CTTNBP2: variants seen among roughly 807,000 people sequenced by gnomAD.
The protein encoded by CTTNBP2 is cortactin-binding protein 2.
CTTNBP2 carries 108 observed loss-of-function variants against 156.9 expected under a neutral mutation model. The observed-to-expected ratio is 0.69, with a 90% confidence interval of 0.59 to 0.81. CTTNBP2 has a LOEUF of 0.81. CTTNBP2 is among the 30% of genes least tolerant of loss of function. CTTNBP2 has a pLI of 0.00. For missense variants in CTTNBP2, 1,924 were observed against 2,035.4 expected (o/e 0.95, Z 1.05); for synonymous variants, 767 against 751.8 (o/e 1.02, Z -0.33).
intron 2 of CTTNBP2, among the ~76,000 whole-genome samples, chr7:117,826,856 T>C (rs1021957082): frequency 1.4e-5 from 2 of 145,420 alleles, no homozygotes; most frequent in African/African-American, 5.2e-5. Context: ...TTATTATTAT[T>C]ATTATTATTA....
intron 7 of CTTNBP2, 32 bp from the exon 8 acceptor site, chr7:117,777,797 G>GATA: frequency 1.9e-6 from 3 of 1,585,254 alleles, no homozygotes; most frequent in Non-Finnish European, 2.6e-6. Context: ...GGAAAGGGTT[G>GATA]ATAACAACAT....
chr7:117,717,909 T>TAGCTTTGGTTTA, intron 22 of CTTNBP2, 109 bp downstream of exon 22: 1 of 699,298 alleles, frequency 1.4e-6, no homozygotes, highest in African/African-American at 1.8e-5. Context: ...TCTCAGTTCT[T>TAGCTTTGGTTTA]AGCTTTGGTT....
At chr7:117,860,982 T>C (rs1803692565) in intron 2 of CTTNBP2, among the ~76,000 whole-genome samples, 1 of 152,220 alleles carries the variant, frequency 6.6e-6, no homozygotes, top group South Asian at 2.1e-4. Flanking sequence ...TTTCCCGTAC[T>C]AAACAGTTTC....
intron 19 of CTTNBP2, among the ~76,000 whole-genome samples, chr7:117,722,676 C>T (rs181583544): frequency 4.7e-4 from 72 of 152,134 alleles, no homozygotes; most frequent in Non-Finnish European, 9.0e-4. Context: ...AAAGCATATA[C>T]CAACAATTAA....
chr7:117,789,805 A>G (rs1798894685), intron 4 of CTTNBP2, among the ~76,000 whole-genome samples: 2 of 152,174 alleles, frequency 1.3e-5, no homozygotes, highest in South Asian at 4.1e-4. Flanking sequence ...TATGAGTAGC[A>G]AAAGAAGTCA....
chr7:117,869,408 G>A (rs562578738), intron 1 of CTTNBP2, among the ~76,000 whole-genome samples: 3 of 152,192 alleles, frequency 2.0e-5, no homozygotes, highest in African/African-American at 7.2e-5. Flanking sequence ...TCTTCATTCA[G>A]TAAATATTTG....
chr7:117,845,850 T>C (rs948353592), intron 2 of CTTNBP2, among the ~76,000 whole-genome samples: 1 of 151,962 alleles, frequency 6.6e-6, no homozygotes, highest in Non-Finnish European at 1.5e-5. Flanking sequence ...TTCTGTTAAT[T>C]TTTTTTTCTT....
intron 8 of CTTNBP2, among the ~76,000 whole-genome samples, chr7:117,773,819 A>G (rs1797946028): frequency 6.6e-6 from 1 of 152,118 alleles, no homozygotes; most frequent in Non-Finnish European, 1.5e-5. Flanking sequence ...AGTATGCATT[A>G]AATCGTCAAC....
At chr7:117,738,963 T>C (rs1214023740) in intron 14 of CTTNBP2, among the ~76,000 whole-genome samples, 1 of 152,204 alleles carries the variant, frequency 6.6e-6, no homozygotes, top group African/African-American at 2.4e-5. Context: ...AGGGCTGCTA[T>C]ACATAACCAT....
chr7:117,791,446 C>T lies in CTTNBP2; in HGVS notation c.1750G>A (p.Val584Met), dbSNP rs1380864783. 6.2e-7 allele frequency: 1 copy of T among 1,614,180 alleles called. No homozygotes were observed. The highest frequency in any genetic ancestry group is 1.1e-5 in the South Asian group (1 of 91,086). Residue 584 changes from valine (V) to methionine (M), a missense_variant, in exon 4 of 23, where the codon GTG (valine) becomes ATG (methionine). Physicochemically the swap from Val to Met is conservative, Grantham distance 21. Transcript: ENST00000160373. The stretch of plus-strand genomic sequence containing the variant: ...GGCAAACTGGAAGGAGTCGAAGCCA[C>T]AGTTTTGTTATCAACTTTGGCCCCT... ...NTGAKVDNKT[V>M]ASTPSSLPQG... is the part of the protein sequence containing the mutation.
chr7:117,746,065 G>A lies in CTTNBP2; in HGVS notation c.3383C>T (p.Pro1128Leu). Residue 1128 changes from proline (P) to leucine (L), a missense_variant, in exon 13 of 23, where the codon CCA becomes CTA. Pro to Leu is a moderately conservative substitution (Grantham distance 98). Transcript: ENST00000160373. ...TATGTAGTCTTGCAAGCTTCCTTCT[G>A]GGCCGTGGAAAATGACATTATGATA... ...EQYHNVIFHG[P>L]EGSLQDYIVH... is the part of the protein sequence containing the mutation. 6.2e-7 allele frequency: 1 copy of A among 1,614,044 alleles called. No homozygotes were observed. Among genetic ancestry groups the A allele is most frequent in the African/African-American group, 1.3e-5 (1 of 75,032 alleles).
intron 2 of CTTNBP2, among the ~76,000 whole-genome samples, chr7:117,839,943 G>T (rs116964391): frequency 0.014 from 2,094 of 152,180 alleles, 19 homozygotes; most frequent in Non-Finnish European, 0.025. Context: ...AATATCTAAA[G>T]ACTGAAATTA....
intron 4 of CTTNBP2, among the ~76,000 whole-genome samples, chr7:117,790,320 G>A (rs763614932): frequency 6.6e-6 from 1 of 152,166 alleles, no homozygotes; most frequent in African/African-American, 2.4e-5. Flanking sequence ...CATTTGCTTA[G>A]TAAATAACTA....
chr7:117,812,642 C>T (rs888420285), intron 2 of CTTNBP2, among the ~76,000 whole-genome samples: 6 of 152,106 alleles, frequency 3.9e-5, no homozygotes, highest in East Asian at 1.9e-4. Context: ...TAAAAGCACT[C>T]GGTGTTTCTA....
chr7:117,808,211 T>G (rs1447461271), intron 3 of CTTNBP2, among the ~76,000 whole-genome samples: 1 of 152,094 alleles, frequency 6.6e-6, no homozygotes, highest in African/African-American at 2.4e-5. Flanking sequence ...AGAAAATGTT[T>G]GAAAATATAC....
intron 3 of CTTNBP2, among the ~76,000 whole-genome samples, chr7:117,800,051 T>C (rs907223766): frequency 5.9e-5 from 9 of 151,994 alleles, no homozygotes; most frequent in Non-Finnish European, 8.8e-5. Context: ...AGACTCTACT[T>C]TACTAAGATG....
At chr7:117,843,641 C>T (rs937326546) in intron 2 of CTTNBP2, among the ~76,000 whole-genome samples, 1 of 152,064 alleles carries the variant, frequency 6.6e-6, no homozygotes, top group African/African-American at 2.4e-5. Flanking sequence ...AAGGCCTTGG[C>T]TTTTTACTCT....
intron 12 of CTTNBP2, chr7:117,755,485 T>G: frequency 2.2e-6 from 1 of 453,390 alleles, no homozygotes; most frequent in South Asian, 1.6e-5. Context: ...ATTGATCTCA[T>G]ACACATCAGA....
chr7:117,812,334 C>A (rs1800342992), intron 2 of CTTNBP2, among the ~76,000 whole-genome samples: 2 of 151,842 alleles, frequency 1.3e-5, no homozygotes, highest in African/African-American at 2.4e-5. Flanking sequence ...TATAATAAAT[C>A]AAGCTTATTT....
Sources: gnomAD v4.1 joint callset for allele counts (sites outside exome capture counted in the v4.1 genomes callset) on GRCh38, gnomAD v4.1.1 for gene constraint, MANE v1.5 for transcripts, NCBI Gene and HGNC (gene_info 2026-07-23, HGNC 2026-07-21) for gene names.